The following FAR2 variants were observed in gnomAD, a reference collection of about 807,000 sequenced individuals.
FAR2 encodes fatty acyl-CoA reductase 2, also known as epididymis secretory protein Li 81.
Under a neutral mutation model 56.0 loss-of-function variants are expected in FAR2, and 19 were observed. The ratio of observed to expected loss-of-function variants is 0.34; its 90% confidence interval spans 0.24 to 0.50. The LOEUF (loss-of-function observed/expected upper bound fraction) is 0.50. Ranked by LOEUF, FAR2 falls within the 20% of genes least tolerant of loss-of-function variation. FAR2 has a pLI of 0.98. For synonymous variants in FAR2, 219 were observed against 218.8 expected (o/e 1.00, Z -0.01); for missense variants, 508 against 642.2 (o/e 0.79, Z 2.26).
chr12:29,326,704 A>C (rs75985411), intron 10 of FAR2, among the ~76,000 whole-genome samples: 11 of 151,990 alleles, frequency 7.2e-5, no homozygotes, highest in Non-Finnish European at 1.0e-4. Context: ...ATTCAACAAC[A>C]CTTCATGCTA....
chr12:29,195,216 TG>T (rs1284628458), intron 1 of FAR2, among the ~76,000 whole-genome samples: 1 of 152,240 alleles, frequency 6.6e-6, no homozygotes, highest in East Asian at 1.9e-4. Context: ...ACATCTTTTT[TG>T]GTAATTTCTT....
intron 1 of FAR2, among the ~76,000 whole-genome samples, chr12:29,259,640 G>A (rs918959640): frequency 6.6e-6 from 1 of 152,070 alleles, no homozygotes; most frequent in African/African-American, 2.4e-5. Context: ...ACCAAAAGGA[G>A]ACAAAACTCT....
intron 1 of FAR2, among the ~76,000 whole-genome samples, chr12:29,240,654 C>T (rs1948014128): frequency 6.6e-6 from 1 of 151,988 alleles, no homozygotes; most frequent in Non-Finnish European, 1.5e-5. Flanking sequence ...AGTCAGGCAG[C>T]GTTTAGTAAC....
At chr12:29,205,226 G>A (rs959714432) in intron 1 of FAR2, among the ~76,000 whole-genome samples, 1 of 152,176 alleles carries the variant, frequency 6.6e-6, no homozygotes, top group South Asian at 2.1e-4. Context: ...ACTGTGTCCA[G>A]GAAATAGTAC....
At chr12:29,149,848 A>G (rs1378234475) in intron 1 of FAR2, among the ~76,000 whole-genome samples, 1 of 152,108 alleles carries the variant, frequency 6.6e-6, no homozygotes, top group Non-Finnish European at 1.5e-5. Flanking sequence ...TGCCGGGGCC[A>G]CGTGTGAAAC....
chr12:29,181,561 G>C (rs930739788), intron 1 of FAR2, among the ~76,000 whole-genome samples: 2 of 146,664 alleles, frequency 1.4e-5, no homozygotes, highest in African/African-American at 5.1e-5. Flanking sequence ...TCACAGAGAA[G>C]ATGCAAGACA....
At position 29,301,287 on chromosome 12, in the gene FAR2, A is replaced by G. The variant is rs540866967; in HGVS notation, c.545+4087A>G. On this transcript the variant is annotated intron_variant, in intron 4 of 11. Transcript: ENST00000536681. ...TCATTTTCCTGGCTCTTATATCTGTAGTTGTCTTCTGCCCCTCATCCCAGC... is the reference window on the plus strand; with the variant it reads ...TCATTTTCCTGGCTCTTATATCTGTGGTTGTCTTCTGCCCCTCATCCCAGC... Among the ~76,000 whole-genome samples, 6 of 152,252 alleles carry G rather than the reference A, an allele frequency of 3.9e-5. 1 individual carries two copies. Among genetic ancestry groups the G allele is most frequent in the African/African-American group, 1.2e-4 (5 of 41,550 alleles).
chr12:29,284,772 G>C (rs1419062602), intron 2 of FAR2, among the ~76,000 whole-genome samples: 1 of 152,154 alleles, frequency 6.6e-6, no homozygotes, highest in Non-Finnish European at 1.5e-5. Context: ...CTTTGAATTA[G>C]AAAACATCTT....
intron 7 of FAR2, among the ~76,000 whole-genome samples, chr12:29,311,478 C>T (rs1439481951): frequency 6.6e-6 from 1 of 151,880 alleles, no homozygotes; most frequent in Non-Finnish European, 1.5e-5. Context: ...GATGAAATGA[C>T]AGAATTTTTT....
At chr12:29,295,052 T>C (rs1259955709) in intron 3 of FAR2, among the ~76,000 whole-genome samples, 3 of 152,172 alleles carry the variant, frequency 2.0e-5, no homozygotes, top group Non-Finnish European at 4.4e-5. Context: ...TCTATTATAT[T>C]AGAGCAAGCA....
intron 1 of FAR2, among the ~76,000 whole-genome samples, chr12:29,242,797 T>C (rs1948059560): frequency 6.6e-6 from 1 of 152,248 alleles, no homozygotes; most frequent in South Asian, 2.1e-4. Context: ...ATTTGGATAC[T>C]AGTTAATAGG....
At chr12:29,323,467 C>T (rs1949587249) in intron 10 of FAR2, among the ~76,000 whole-genome samples, 1 of 152,192 alleles carries the variant, frequency 6.6e-6, no homozygotes, top group Admixed American at 6.5e-5. Context: ...GGTCCCTGAC[C>T]CCCAAGTAGC....
chr12:29,271,940 A>G (rs1467976797), intron 2 of FAR2, among the ~76,000 whole-genome samples: 1 of 152,194 alleles, frequency 6.6e-6, no homozygotes, highest in Non-Finnish European at 1.5e-5. Context: ...TTCCAACCCT[A>G]CAGCCTGACT....
rs528997542 is a variant in FAR2, at chr12:29,257,995, A to G, written c.-38-12417A>G. Among the ~76,000 whole-genome samples, 9 of 152,232 alleles carry G rather than the reference A, an allele frequency of 5.9e-5. No homozygotes were observed. In the East Asian group the frequency reaches 1.7e-3, roughly 29 times the overall value. ...AGCTCTATAGCCTTAATCCTACCAC[A>G]GTGTTATACAACTACTCTCATTTAT... On this transcript the variant is annotated intron_variant, in intron 1 of 11. Coordinates refer to ENST00000536681, the MANE Select transcript of FAR2 (RefSeq NM_001271783.2).
intron 4 of FAR2, among the ~76,000 whole-genome samples, chr12:29,299,126 T>G (rs1263676606): frequency 6.7e-6 from 1 of 149,718 alleles, no homozygotes; most frequent in Non-Finnish European, 1.5e-5. Flanking sequence ...GGCAGTAGAA[T>G]TGCTTGAATC....
chr12:29,262,555 G>A (rs550505802), intron 1 of FAR2, among the ~76,000 whole-genome samples: 36 of 152,240 alleles, frequency 2.4e-4, no homozygotes, highest in African/African-American at 7.7e-4. Context: ...ACTTGAACCC[G>A]GGAAGCAGAG....
intron 2 of FAR2, chr12:29,282,151 AGGT>A (rs2136727340): frequency 6.6e-6 from 1 of 152,320 alleles, no homozygotes; most frequent in African/African-American, 2.4e-5. Flanking sequence ...GTATAAAATG[AGGT>A]AGAACTCACC....
At chr12:29,257,034 G>A (rs1046708133) in intron 1 of FAR2, among the ~76,000 whole-genome samples, 4 of 152,254 alleles carry the variant, frequency 2.6e-5, no homozygotes, top group South Asian at 2.1e-4. Context: ...GCGGGTGCAC[G>A]GCGCGGGACT....
At chr12:29,168,270 A>G (rs766633404) in intron 1 of FAR2, among the ~76,000 whole-genome samples, 4 of 152,178 alleles carry the variant, frequency 2.6e-5, no homozygotes, top group Non-Finnish European at 5.9e-5. Flanking sequence ...AATTACTGAG[A>G]TTTATGATAC....
Sources: gnomAD v4.1 joint callset for allele counts (sites outside exome capture counted in the v4.1 genomes callset) on GRCh38, gnomAD v4.1.1 for gene constraint, MANE v1.5 for transcripts, NCBI Gene and HGNC (gene_info 2026-07-23, HGNC 2026-07-21) for gene names.